The following PITPNM2 variants were observed in gnomAD, a reference collection of about 807,000 sequenced individuals.
The protein encoded by PITPNM2 is membrane-associated phosphatidylinositol transfer protein 2.
PITPNM2 carries 35 observed loss-of-function variants against 132.2 expected under a neutral mutation model. The observed-to-expected ratio is 0.26, with a 90% CI of 0.20 to 0.35. The LOEUF (loss-of-function observed/expected upper bound fraction) is 0.35. Among genes scored for constraint, PITPNM2 ranks in the 10% least tolerant of loss-of-function variants. The pLI is 1.00. For synonymous variants in PITPNM2, 738 were observed against 799.2 expected (o/e 0.92, Z 1.29); for missense variants, 1,332 against 1,912.0 (o/e 0.70, Z 5.66).
intron 3 of PITPNM2, among the ~76,000 whole-genome samples, chr12:123,016,846 C>T (rs2039446095): frequency 6.6e-6 from 1 of 151,576 alleles, no homozygotes; most frequent in Non-Finnish European, 1.5e-5. Flanking sequence ...GAGTTTGAGA[C>T]CAGCCTGGCC....
At chr12:123,029,813 A>G (rs1471783785) in intron 3 of PITPNM2, among the ~76,000 whole-genome samples, 10 of 141,096 alleles carry the variant, frequency 7.1e-5, no homozygotes, top group Non-Finnish European at 4.5e-5. Flanking sequence ...TTGTGTGTGG[A>G]CACACATATG....
intron 3 of PITPNM2, among the ~76,000 whole-genome samples, chr12:123,014,446 A>C (rs1204975114): frequency 1.3e-5 from 2 of 152,220 alleles, no homozygotes; most frequent in Non-Finnish European, 2.9e-5. Context: ...GGTCACGCCT[A>C]TAATCCCAGC....
intron 2 of PITPNM2, among the ~76,000 whole-genome samples, chr12:123,100,455 G>A (rs1033104422): frequency 2.0e-5 from 3 of 152,078 alleles, no homozygotes; most frequent in African/African-American, 4.8e-5. Context: ...GTGAAACCCC[G>A]TCTCTACTAA....
chr12:123,096,583 G>C (rs1389565051), intron 2 of PITPNM2, among the ~76,000 whole-genome samples: 1 of 152,214 alleles, frequency 6.6e-6, no homozygotes, highest in Non-Finnish European at 1.5e-5. Flanking sequence ...GAAAGAGGGA[G>C]GAAGGTGTGA....
At chr12:123,003,844 G>A (rs1401027567) in intron 8 of PITPNM2, among the ~76,000 whole-genome samples, 1 of 152,256 alleles carries the variant, frequency 6.6e-6, no homozygotes, top group Non-Finnish European at 1.5e-5. Flanking sequence ...GCACCAAGCA[G>A]GCGAGCGCTG....
chr12:123,070,394 TGG>T (rs1021260297), intron 2 of PITPNM2, among the ~76,000 whole-genome samples: 2 of 152,180 alleles, frequency 1.3e-5, no homozygotes, highest in Non-Finnish European at 2.9e-5. Context: ...CAGGACCGTG[TGG>T]GCAATGGCAC....
At chr12:123,035,195 C>A (rs60809882) in intron 2 of PITPNM2, among the ~76,000 whole-genome samples, 6,509 of 152,270 alleles carry the variant, frequency 0.043, 460 homozygotes, top group African/African-American at 0.15. Flanking sequence ...AGTGATTTAA[C>A]GTTTGGTTTC....
chr12:123,016,833 C>CA (rs1270151444), intron 3 of PITPNM2, among the ~76,000 whole-genome samples: 2 of 150,672 alleles, frequency 1.3e-5, no homozygotes, highest in African/African-American at 4.9e-5. Context: ...ATCATGAAGT[C>CA]AGGAGTTTGA....
chr12:123,034,363 C>T, intron 3 of PITPNM2, 150 bp downstream of exon 3: 1 of 698,522 alleles, frequency 1.4e-6, no homozygotes, highest in South Asian at 1.9e-5. Flanking sequence ...TGCCTAGAGG[C>T]CAGGGGTCCA....
chr12:123,047,331 A>C (rs2040694978), intron 2 of PITPNM2, among the ~76,000 whole-genome samples: 1 of 152,242 alleles, frequency 6.6e-6, no homozygotes, highest in Non-Finnish European at 1.5e-5. Flanking sequence ...ACTTTATCAG[A>C]GTGGTTACTT....
intron 2 of PITPNM2, among the ~76,000 whole-genome samples, chr12:123,080,887 T>G (rs2041941503): frequency 6.6e-6 from 1 of 152,246 alleles, no homozygotes; most frequent in African/African-American, 2.4e-5. Context: ...ATGAACATGT[T>G]ACACACCTGC....
chr12:123,019,357 C>G (rs1269907417), intron 3 of PITPNM2, among the ~76,000 whole-genome samples: 1 of 152,180 alleles, frequency 6.6e-6, no homozygotes, highest in Non-Finnish European at 1.5e-5. Flanking sequence ...AGGGTAGACA[C>G]TTATGAATCA....
chr12:123,096,127 C>T (rs1305881755), intron 2 of PITPNM2, among the ~76,000 whole-genome samples: 1 of 152,244 alleles, frequency 6.6e-6, no homozygotes, highest in Non-Finnish European at 1.5e-5. Context: ...AGCCCTAAAG[C>T]ACCAGGAATA....
chr12:123,107,723 C>G (rs961292708), intron 2 of PITPNM2, among the ~76,000 whole-genome samples: 3 of 152,202 alleles, frequency 2.0e-5, no homozygotes, highest in African/African-American at 7.2e-5. Flanking sequence ...CAACCCTAAT[C>G]ATCCTCACAT....
intron 17 of PITPNM2, 75 bp from the exon 18 acceptor site, chr12:122,990,023 G>A (rs760691773): frequency 1.9e-5 from 22 of 1,164,538 alleles, no homozygotes; most frequent in Non-Finnish European, 2.2e-5. Flanking sequence ...GGGCCAGGCA[G>A]GACACTGGGA....
At chr12:123,138,059 A>T (rs866779417) in intron 1 of PITPNM2, among the ~76,000 whole-genome samples, 14 of 152,138 alleles carry the variant, frequency 9.2e-5, no homozygotes, top group Admixed American at 6.5e-5. Flanking sequence ...CAAAGTCAAA[A>T]TTTCACTAGC....
Position 122,989,933 on chromosome 12 carries a change from A to G in PITPNM2, c.2585T>C (p.Leu862Pro), listed in dbSNP as rs1299765995. ...SSIAQKAPDA[L>P]SHTPSVRRLS... is the part of the protein sequence containing the mutation. Reference sequence around the variant, plus strand: ...ACGCCTGACGCTGGGGGTATGGCTGAGCGCATCGGGGGCCTCTGAGAAGCA... The same window carrying G: ...ACGCCTGACGCTGGGGGTATGGCTGGGCGCATCGGGGGCCTCTGAGAAGCA... The change falls in exon 18 of 26, where the codon CTC becomes CCC. Residue 862 changes from leucine to proline, a missense_variant. Around this residue, in one of 6 missense-constraint regions of PITPNM2, gnomAD observed 710 missense variants for 911.5 expected, o/e 0.78. Transcript: ENST00000320201. The G allele has an allele frequency of 3.8e-6, 5 of 1,307,536 alleles. No individual in the cohort carries two copies. The highest frequency in any genetic ancestry group is 3.9e-6 in the Non-Finnish European group (4 of 1,023,682). The allele number at this position is 1,307,536 out of a possible 1,614,324, so 81.0% of individuals were successfully genotyped here. A position where few individuals can be genotyped will look rare whatever the true frequency, so the allele number is the denominator to read the frequency against.
intron 2 of PITPNM2, among the ~76,000 whole-genome samples, chr12:123,067,057 A>G (rs2041448354): frequency 6.6e-6 from 1 of 152,188 alleles, no homozygotes; most frequent in Non-Finnish European, 1.5e-5. Flanking sequence ...ATTTGGAAAT[A>G]GGGTATTTGT....
At chr12:123,086,927 GTTC>G (rs1297359090) in intron 2 of PITPNM2, among the ~76,000 whole-genome samples, 2 of 152,238 alleles carry the variant, frequency 1.3e-5, no homozygotes, top group African/African-American at 4.8e-5. Context: ...GACTGGCCTG[GTTC>G]TTCTCAGGCC....
Sources: gnomAD v4.1 joint callset for allele counts (sites outside exome capture counted in the v4.1 genomes callset) on GRCh38, gnomAD v4.1.1 for gene constraint, gnomAD v4.1.1 regional missense constraint, MANE v1.5 for transcripts, NCBI Gene and HGNC (gene_info 2026-07-23, HGNC 2026-07-21) for gene names.